Variants in UBE2W observed in about 807,000 individuals in gnomAD.
The protein encoded by UBE2W is ubiquitin-conjugating enzyme E2 W.
A neutral mutation model predicts 27.2 loss-of-function variants in UBE2W; 18 were observed. The observed-to-expected ratio is 0.66, with a 90% CI of 0.46 to 0.98. The LOEUF (loss-of-function observed/expected upper bound fraction) is 0.98. Ranked by LOEUF, UBE2W falls within the 50% of genes least tolerant of loss-of-function variation. The pLI is 0.00. For missense variants in UBE2W, 90 were observed against 180.2 expected (o/e 0.50, Z 2.87); for synonymous variants, 53 against 57.2 (o/e 0.93, Z 0.33).
chr8:73,822,775 C>T (rs570399910), intron 3 of UBE2W, among the ~76,000 whole-genome samples: 59 of 151,624 alleles, frequency 3.9e-4, no homozygotes, highest in Non-Finnish European at 6.8e-4. Context: ...CAAAGCGAGA[C>T]GCTGTCTCAA....
At chr8:73,850,928 C>T (rs532394391) in intron 1 of UBE2W, among the ~76,000 whole-genome samples, 112 of 151,918 alleles carry the variant, frequency 7.4e-4, no homozygotes, top group Non-Finnish European at 1.6e-4. Context: ...GGCGCAATCT[C>T]GGCTTAATGC....
chr8:73,856,357 A>AT (rs34593904), intron 1 of UBE2W, among the ~76,000 whole-genome samples: 10,511 of 89,320 alleles, frequency 0.12, 1,306 homozygotes, highest in African/African-American at 0.15. Flanking sequence ...ACACTTATGA[A>AT]TTTTTTTTTT....
At chr8:73,833,148 G>A (rs1450346936) in intron 1 of UBE2W, among the ~76,000 whole-genome samples, 2 of 129,434 alleles carry the variant, frequency 1.5e-5, no homozygotes, top group Non-Finnish European at 3.1e-5. Flanking sequence ...CTGCGCCACT[G>A]CACTACAGCC....
At chr8:73,803,866 A>G (rs1808753781) in intron 5 of UBE2W, among the ~76,000 whole-genome samples, 1 of 150,294 alleles carries the variant, frequency 6.7e-6, no homozygotes, top group Non-Finnish European at 1.5e-5. Flanking sequence ...TCCTGGGTTC[A>G]TGCCATTCTC....
rs1409207794 is a variant in UBE2W at position 73,867,489 on chromosome 8, C to G, written c.15+11319G>C. Reference sequence around the variant, plus strand: ...GGCAGAAGTTGCAGTGAGCCGAGATCACGCCACTGCACTCCAGTCTGGCAA... The same window carrying G: ...GGCAGAAGTTGCAGTGAGCCGAGATGACGCCACTGCACTCCAGTCTGGCAA... On this transcript the variant is annotated intron_variant, in intron 1 of 5. Transcript: ENST00000602593. 3.3e-5 allele frequency among the ~76,000 whole-genome samples: 5 copies of G among 152,072 alleles called. No individual in the cohort carries two copies. In the South Asian group the frequency reaches 6.2e-4, roughly 19 times the overall value.
intron 1 of UBE2W, 133 bp downstream of exon 1, chr8:73,878,675 A>G: frequency 1.3e-6 from 1 of 768,644 alleles, no homozygotes; most frequent in East Asian, 2.9e-5. Flanking sequence ...CCCTGAGCTG[A>G]GGGAAAACAG....
intron 1 of UBE2W, among the ~76,000 whole-genome samples, chr8:73,847,608 C>T (rs535593045): frequency 1.3e-5 from 2 of 148,662 alleles, no homozygotes; most frequent in African/African-American, 4.9e-5. Context: ...AACGGTAAAA[C>T]GGGTATATTG....
Position 73,810,492 on chromosome 8 carries a change from A to G in UBE2W, c.348T>C (p.Leu116=). 5 of 1,611,464 alleles carry G rather than the reference A, an allele frequency of 3.1e-6. No homozygotes were observed. The highest frequency in any genetic ancestry group is 4.2e-6 in the Non-Finnish European group (5 of 1,179,300). Residue 116 remains leucine (L), a synonymous_variant, in exon 4 of 6, where the codon CTT becomes CTC. Coordinates refer to ENST00000602593, the MANE Select transcript of UBE2W (RefSeq NM_018299.6). ...GTCTTACCTTTTCCTTGCAGCTGGAAAGCATGCTAATAATGCTAAGACAAA... is the reference window on the plus strand; with the variant it reads ...GTCTTACCTTTTCCTTGCAGCTGGAGAGCATGCTAATAATGCTAAGACAAA... ...QSVCLSIISM[L]SSCKEKRRPP...
At chr8:73,831,508 T>C (rs1188017619) in intron 1 of UBE2W, 7 of 153,788 alleles carry the variant, frequency 4.6e-5, no homozygotes, top group Non-Finnish European at 1.0e-4. Context: ...TCTCACGAAG[T>C]ACAACAGCTA....
At chr8:73,805,052 A>G (rs1259776156) in intron 5 of UBE2W, among the ~76,000 whole-genome samples, 2 of 152,084 alleles carry the variant, frequency 1.3e-5, no homozygotes, top group African/African-American at 2.4e-5. Context: ...TTTGATCTAA[A>G]GATTATTAAC....
chr8:73,800,926 C>G (rs879520104), intron 5 of UBE2W, among the ~76,000 whole-genome samples: 2 of 152,094 alleles, frequency 1.3e-5, no homozygotes, highest in East Asian at 3.9e-4. Context: ...AACCTCATCT[C>G]TATTAAAAAT....
At chr8:73,869,623 G>A (rs199565855) in intron 1 of UBE2W, among the ~76,000 whole-genome samples, 11 of 152,118 alleles carry the variant, frequency 7.2e-5, no homozygotes, top group East Asian at 5.8e-4. Flanking sequence ...CCTGGGAGAC[G>A]GAGGTTGCAA....
rs1386037942 is a variant in UBE2W at position 73,836,838 on chromosome 8, A to C, written c.16-6366T>G. ...CATGGCCATACTGGCCTGCTTTCCC[A>C]AGTGGTAGGGAAAATGGCAGCTACA... On this transcript the variant is annotated intron_variant, in intron 1 of 5. Transcript: ENST00000602593. Among the ~76,000 whole-genome samples, 5 of 152,226 alleles carry C rather than the reference A, an allele frequency of 3.3e-5. No individual in the cohort carries two copies. In the East Asian group the frequency reaches 9.6e-4, roughly 29 times the overall value.
intron 5 of UBE2W, among the ~76,000 whole-genome samples, chr8:73,795,252 T>C (rs568014529): frequency 1.3e-5 from 2 of 152,286 alleles, no homozygotes; most frequent in East Asian, 1.9e-4. Flanking sequence ...AGGGGCCTAA[T>C]GGGGAGGTGT....
Position 73,787,296 on chromosome 8 carries a change from C to G in UBE2W, c.*6806G>C. ...ATTTAGCTTATGTTTAATTTTGTTA[C>G]GTGTTATGTTAGTGTGAAAATGAGT... On this transcript the variant is annotated 3_prime_UTR_variant, in exon 6 of 6. Transcript: ENST00000602593. 3 of 985,300 alleles carry G rather than the reference C, an allele frequency of 3.0e-6. No individual in the cohort carries two copies. Among genetic ancestry groups the G allele is most frequent in the Non-Finnish European group, 2.4e-6 (2 of 829,912 alleles). 61.0% of individuals were successfully genotyped at this position (985,300 alleles called of 1,614,324 possible). A position where few individuals can be genotyped will look rare whatever the true frequency, so the allele number is the denominator to read the frequency against.
intron 1 of UBE2W, among the ~76,000 whole-genome samples, chr8:73,877,647 G>GA (rs1235281230): frequency 2.0e-5 from 3 of 152,130 alleles, no homozygotes; most frequent in Non-Finnish European, 2.9e-5. Context: ...ACACTTCTAA[G>GA]AAAATGTGGT....
chr8:73,859,066 TTTC>T (rs1251832743), intron 1 of UBE2W, among the ~76,000 whole-genome samples: 1 of 151,844 alleles, frequency 6.6e-6, no homozygotes, highest in Non-Finnish European at 1.5e-5. Flanking sequence ...AACTGAGCAA[TTTC>T]TTCAAGCACA....
intron 4 of UBE2W, among the ~76,000 whole-genome samples, chr8:73,807,226 T>C (rs1808948186): frequency 6.6e-6 from 1 of 152,250 alleles, no homozygotes; most frequent in Admixed American, 6.5e-5. Context: ...ATAGTGTATA[T>C]GCAGGATTTA....
At chr8:73,841,722 A>G (rs1361946148) in intron 1 of UBE2W, among the ~76,000 whole-genome samples, 2 of 152,226 alleles carry the variant, frequency 1.3e-5, no homozygotes, top group African/African-American at 4.8e-5. Context: ...ACAAAGACAA[A>G]GTGAACGCAG....
Sources: allele counts gnomAD v4.1 joint callset (sites outside exome capture counted in the v4.1 genomes callset), GRCh38; gene constraint gnomAD v4.1.1; transcripts MANE v1.5; gene names NCBI Gene and HGNC (gene_info 2026-07-23, HGNC 2026-07-21).